MACROD2: variants seen among roughly 807,000 people sequenced by gnomAD.
MACROD2 encodes the protein mono-ADP ribosylhydrolase 2.
Under a neutral mutation model 70.4 loss-of-function variants are expected in MACROD2, and 36 were observed. The ratio of observed to expected loss-of-function variants is 0.51; its 90% CI spans 0.39 to 0.68. MACROD2 has a LOEUF of 0.68. Among genes scored for constraint, MACROD2 ranks in the 30% least tolerant of loss-of-function variants. MACROD2 has a pLI of 0.00. For missense variants in MACROD2, 496 were observed against 538.4 expected (o/e 0.92, Z 0.78); for synonymous variants, 172 against 178.8 (o/e 0.96, Z 0.30).
At chr20:14,669,694 C>A (rs997022613) in intron 4 of MACROD2, among the ~76,000 whole-genome samples, 3 of 152,024 alleles carry the variant, frequency 2.0e-5, no homozygotes, top group Non-Finnish European at 4.4e-5. Context: ...GTGTCCCCAG[C>A]CACTGGGAAG....
intron 3 of MACROD2, among the ~76,000 whole-genome samples, chr20:14,430,515 C>A (rs1015044310): frequency 1.1e-4 from 17 of 152,128 alleles, no homozygotes; most frequent in Non-Finnish European, 2.4e-4. Context: ...ATATTTCTAG[C>A]TTTGACTGCT....
chr20:14,909,302 G>C (rs1007062348), intron 5 of MACROD2, among the ~76,000 whole-genome samples: 1 of 152,062 alleles, frequency 6.6e-6, no homozygotes, highest in African/African-American at 2.4e-5. Context: ...CCAGGGCTTC[G>C]AATCTGGTTA....
intron 2 of MACROD2, among the ~76,000 whole-genome samples, chr20:14,033,512 A>G (rs1032474810): frequency 6.6e-6 from 1 of 152,204 alleles, no homozygotes; most frequent in African/African-American, 2.4e-5. Flanking sequence ...TTCATATTCT[A>G]TTAAAACATC....
intron 6 of MACROD2, among the ~76,000 whole-genome samples, chr20:15,398,864 G>A (rs746598744): frequency 6.6e-5 from 10 of 152,094 alleles, no homozygotes; most frequent in Non-Finnish European, 1.3e-4. Context: ...CTTTCACCCA[G>A]GTTGTGCAGT....
chr20:16,051,737 C>G lies in MACROD2; in HGVS notation c.*1861C>G, dbSNP rs1386358295. 3.3e-5 allele frequency: 5 copies of G among 152,094 alleles called. No homozygotes were observed. Among genetic ancestry groups the G allele is most frequent in the African/African-American group, 1.2e-4 (5 of 41,404 alleles). The allele number at this position is 152,094 out of a possible 1,614,324, so 9.4% of individuals were successfully genotyped here. A position where few individuals can be genotyped will look rare whatever the true frequency, so the allele number is the denominator to read the frequency against. The stretch of plus-strand genomic sequence containing the variant: ...ATCTTTATAACTCAATTGAAAGTTG[C>G]CGTCATTCTTGTGAAGTATTTGACA... On this transcript the variant is annotated 3_prime_UTR_variant, in exon 18 of 18. Coordinates refer to ENST00000684519, the MANE Select transcript of MACROD2 (RefSeq NM_001351661.2).
chr20:14,935,410 G>A (rs954107876), intron 5 of MACROD2: 1 of 152,088 alleles, frequency 6.6e-6, no homozygotes, highest in African/African-American at 2.4e-5. Flanking sequence ...CTACCCCAGA[G>A]ACTTAGTGAA....
chr20:14,796,558 A>G (rs2072511963), intron 5 of MACROD2, among the ~76,000 whole-genome samples: 1 of 152,138 alleles, frequency 6.6e-6, no homozygotes, highest in African/African-American at 2.4e-5. Context: ...ATCGGAGGGC[A>G]AGCTGAATTT....
At chr20:14,864,311 A>G (rs2073404080) in intron 5 of MACROD2, among the ~76,000 whole-genome samples, 1 of 152,092 alleles carries the variant, frequency 6.6e-6, no homozygotes, top group South Asian at 2.1e-4. Context: ...TTACCAAATA[A>G]TATCTGTTTG....
intron 2 of MACROD2, among the ~76,000 whole-genome samples, chr20:14,061,105 A>G (rs1271515672): frequency 1.3e-5 from 2 of 152,124 alleles, no homozygotes; most frequent in Non-Finnish European, 2.9e-5. Context: ...TATAAACAAC[A>G]TGCACTCTCA....
chr20:15,609,938 G>A (rs1479867029), intron 8 of MACROD2, among the ~76,000 whole-genome samples: 1 of 152,116 alleles, frequency 6.6e-6, no homozygotes, highest in Non-Finnish European at 1.5e-5. Context: ...TCCTTCTATA[G>A]CATCATAGTC....
intron 4 of MACROD2, among the ~76,000 whole-genome samples, chr20:14,515,660 C>G (rs1013073305): frequency 1.3e-5 from 2 of 151,944 alleles, no homozygotes; most frequent in African/African-American, 2.4e-5. Context: ...AAAAGTCAGT[C>G]TCACAGAAAC....
At chr20:15,845,414 T>G (rs1423626874) in intron 8 of MACROD2, among the ~76,000 whole-genome samples, 4 of 152,284 alleles carry the variant, frequency 2.6e-5, no homozygotes, top group African/African-American at 9.6e-5. Flanking sequence ...CATTACAGTT[T>G]GAAAACTATG....
At chr20:14,903,305 T>A (rs1388976115) in intron 5 of MACROD2, among the ~76,000 whole-genome samples, 1 of 152,100 alleles carries the variant, frequency 6.6e-6, no homozygotes, top group Non-Finnish European at 1.5e-5. Context: ...CCTCCCAAAG[T>A]GCTGGGATTA....
intron 8 of MACROD2, among the ~76,000 whole-genome samples, chr20:15,611,264 T>C (rs550130305): frequency 6.6e-6 from 1 of 152,036 alleles, no homozygotes; most frequent in South Asian, 2.1e-4. Context: ...AATAACTGAG[T>C]CTCAAAGAAG....
intron 5 of MACROD2, among the ~76,000 whole-genome samples, chr20:14,695,441 G>C (rs184880338): frequency 1.3e-5 from 2 of 152,112 alleles, no homozygotes; most frequent in African/African-American, 4.8e-5. Context: ...TTGCATTTAC[G>C]TAGATCCTTT....
chr20:16,041,925 T>C (rs2067313433), intron 16 of MACROD2, among the ~76,000 whole-genome samples: 1 of 152,010 alleles, frequency 6.6e-6, no homozygotes. Context: ...GAAACAACTA[T>C]TTAAGCCTAC....
In MACROD2 at chr20:15,734,952, T is replaced by C. The variant is rs148208987; in HGVS notation, c.646-127793T>C. On this transcript the variant is annotated intron_variant, in intron 8 of 17. Transcript: ENST00000684519. The stretch of plus-strand genomic sequence containing the variant: ...ACATTTTACCTGAACAACTTGAGTT[T>C]TGTGTTTGTTTGTTTGTTTGTTTGT... Among the ~76,000 whole-genome samples the C allele has an allele frequency of 1.3e-3, 196 of 152,080 alleles. 1 individual carries two copies. Among genetic ancestry groups the C allele is most frequent in the African/African-American group, 4.6e-3 (189 of 41,512 alleles).
At chr20:14,013,314 C>T (rs1195721182) in intron 2 of MACROD2, among the ~76,000 whole-genome samples, 2 of 150,096 alleles carry the variant, frequency 1.3e-5, no homozygotes, top group Admixed American at 1.3e-4. Flanking sequence ...TCTCTGTCGC[C>T]CAGGCTGGAG....
intron 3 of MACROD2, among the ~76,000 whole-genome samples, chr20:14,300,731 C>G (rs1182160275): frequency 6.6e-6 from 1 of 152,150 alleles, no homozygotes; most frequent in Non-Finnish European, 1.5e-5. Flanking sequence ...TTTTCCACAT[C>G]TGATTTCTTA....
Sources: gnomAD v4.1 joint callset for allele counts (sites outside exome capture counted in the v4.1 genomes callset) on GRCh38, gnomAD v4.1.1 for gene constraint, MANE v1.5 for transcripts, NCBI Gene and HGNC (gene_info 2026-07-23, HGNC 2026-07-21) for gene names.